ZNF630: variants seen among roughly 807,000 people sequenced by gnomAD.
The protein encoded by ZNF630 is zinc finger protein 630.
A neutral mutation model predicts 7.2 loss-of-function variants in ZNF630; 5 were observed. The ratio of observed to expected loss-of-function variants is 0.70; its 90% CI spans 0.36 to 1.46. ZNF630 has a LOEUF of 1.46. ZNF630 is among the 40% of genes most tolerant of loss of function. The pLI is 0.03. For missense variants in ZNF630, 461 were observed against 477.0 expected (o/e 0.97, Z 0.31); for synonymous variants, 158 against 162.8 (o/e 0.97, Z 0.23).
At chrX:48,069,841 G>GTTTT (rs1210374790) in intron 1 of ZNF630, among the ~76,000 whole-genome samples, 662 of 39,429 alleles carry the variant, frequency 0.017, 5 homozygotes, top group Admixed American at 0.061. Context: ...GACATTGTCT[G>GTTTT]TTTTTTTTTT....
intron 2 of ZNF630, among the ~76,000 whole-genome samples, chrX:48,064,636 T>C (rs782518884): frequency 8.9e-6 from 1 of 111,819 alleles, no homozygotes; most frequent in South Asian, 3.7e-4. Flanking sequence ...TTAATTTTTG[T>C]ATTTTTTTGT....
Position 48,059,014 on chromosome X carries a change from G to A in ZNF630, c.1428C>T (p.Gly476=). The change falls in exon 5 of 5, where the codon GGC becomes GGT. Residue 476 remains glycine, a synonymous_variant. Coordinates refer to ENST00000276054, the MANE Select transcript of ZNF630 (RefSeq NM_001282201.2). The part of the protein sequence containing the change: ...KAFSQKSHLT[G]HQRLHTGEKP... ...TCTCTCCAGTATGAAGTCTTTGATG[G>A]CCAGTGAGGTGTGACTTCTGGGAAA... is the stretch of plus-strand genomic sequence containing the variant. The A allele has an allele frequency of 8.3e-7, 1 of 1,203,906 alleles. No individual in the cohort carries two copies. Among genetic ancestry groups the A allele is most frequent in the South Asian group, 1.8e-5 (1 of 56,420 alleles).
chrX:48,060,703 A>C, intron 3 of ZNF630, 116 bp downstream of exon 3: 3 of 977,734 alleles, frequency 3.1e-6, no homozygotes, highest in Non-Finnish European at 2.7e-6. Flanking sequence ...TGAAAAACCA[A>C]AACTATAAAA....
Position 48,058,700 on chromosome X carries a change from CAGA to C in ZNF630, c.1739_1741del (p.Phe580del), listed in dbSNP as rs1556908277. On this transcript the variant is annotated inframe_deletion, in exon 5 of 5. Transcript: ENST00000276054. Reference sequence around the variant, plus strand: ...ATGTATAATGAGTGGAGACTTTCCACAGAAGGCCTTTCCACATTCACTACATTC... The same window carrying C: ...ATGTATAATGAGTGGAGACTTTCCACAGGCCTTTCCACATTCACTACATTC... 8.3e-7 allele frequency: 1 copy of C among 1,205,978 alleles called. No individual in the cohort carries two copies. Among genetic ancestry groups the C allele is most frequent in the East Asian group, 3.0e-5 (1 of 33,722 alleles).
At chrX:48,064,655 G>C (rs782636621) in intron 2 of ZNF630, among the ~76,000 whole-genome samples, 2 of 111,483 alleles carry the variant, frequency 1.8e-5, no homozygotes, top group Non-Finnish European at 1.9e-5. Context: ...GTAGAGATGC[G>C]GTTTCGCCAT....
chrX:48,067,413 A>G (rs1218836089), intron 1 of ZNF630, among the ~76,000 whole-genome samples: 1 of 112,642 alleles, frequency 8.9e-6, no homozygotes, highest in African/African-American at 3.2e-5. Context: ...GGGTAACAGC[A>G]TCAACCTTTA....
rs782665945 is a variant in ZNF630, at chrX:48,062,459, T to C, written c.16-1514A>G. 2.7e-5 allele frequency among the ~76,000 whole-genome samples: 3 copies of C among 112,593 alleles called. No homozygotes were observed. In the East Asian group the frequency reaches 8.4e-4, roughly 31 times the overall value. On this transcript the variant is annotated intron_variant, in intron 2 of 4. Coordinates refer to ENST00000276054, the MANE Select transcript of ZNF630 (RefSeq NM_001282201.2). ...AAAAAGCAACAAAGAAGGGGCCAGA[T>C]GTGGTGGCTCACGCCTGTAATCCCA... is the stretch of plus-strand genomic sequence containing the variant.
In ZNF630 at chrX:48,058,708, C is replaced by T. The variant is rs782216692; in HGVS notation, c.1734G>A (p.Lys578=). The change falls in exon 5 of 5, where the codon AAG becomes AAA. Residue 578 remains lysine (K), a synonymous_variant. Coordinates refer to ENST00000276054, the MANE Select transcript of ZNF630 (RefSeq NM_001282201.2). ...TGAGTGGAGACTTTCCACAGAAGGC[C>T]TTTCCACATTCACTACATTCATAGG... ...EKPYECSECG[K]AFCGKSPLII... is the part of the protein sequence containing the mutation. 4.1e-6 allele frequency: 5 copies of T among 1,205,993 alleles called. No individual in the cohort carries two copies. In the African/African-American group the frequency reaches 8.8e-5, roughly 21 times the overall value.
At chrX:48,061,947 A>G (rs1308180301) in intron 2 of ZNF630, 1 of 127,348 alleles carries the variant, frequency 7.9e-6, no homozygotes, top group Non-Finnish European at 1.6e-5. Context: ...GGACATGACC[A>G]TCATTTCACA....
At chrX:48,060,606 C>T in intron 3 of ZNF630, 61 bp from the exon 4 acceptor site, 1 of 1,033,387 alleles carries the variant, frequency 9.7e-7, no homozygotes, top group East Asian at 3.1e-5. Context: ...TGAAGAGAAG[C>T]ACTTGCAGGG....
intron 2 of ZNF630, 63 bp from the exon 3 acceptor site, chrX:48,061,008 T>C (rs947506998): frequency 1.1e-4 from 116 of 1,056,242 alleles, no homozygotes; most frequent in Non-Finnish European, 1.3e-4. Flanking sequence ...GCAGTACATG[T>C]AGGATGCCTA....
chrX:48,068,203 GAA>G (rs782533217), intron 1 of ZNF630, among the ~76,000 whole-genome samples: 828 of 52,360 alleles, frequency 0.016, 10 homozygotes, highest in African/African-American at 0.05. Context: ...AGGAAGGAAA[GAA>G]AAGAAAAGAA....
At position 48,071,422 on chromosome X, in the gene ZNF630, C is replaced by T. The variant is rs782694459; in HGVS notation, c.-331G>A. On this transcript the variant is annotated 5_prime_UTR_variant, in exon 1 of 5. Coordinates refer to ENST00000276054, the MANE Select transcript of ZNF630 (RefSeq NM_001282201.2). ...GCTCCGAAACAGCCACGAAGCCGAGCTCTACCAGTAACAAAAATGGCGTCA... is the reference window on the plus strand; with the variant it reads ...GCTCCGAAACAGCCACGAAGCCGAGTTCTACCAGTAACAAAAATGGCGTCA... 9.9e-4 allele frequency: 110 copies of T among 111,068 alleles called. 2 individuals are homozygous for T. Among genetic ancestry groups the T allele is most frequent in the African/African-American group, 3.6e-3 (108 of 30,396 alleles). 9.2% of individuals were successfully genotyped at this position (111,068 alleles called of 1,213,427 possible).
At chrX:48,064,473 G>A (rs185710227) in intron 2 of ZNF630, among the ~76,000 whole-genome samples, 4 of 111,227 alleles carry the variant, frequency 3.6e-5, no homozygotes, top group East Asian at 2.8e-4. Flanking sequence ...GGTTTTACAC[G>A]TTTTCTTTTG....
chrX:48,067,232 G>A (rs1359943075), intron 1 of ZNF630, among the ~76,000 whole-genome samples, 171 bp from the exon 2 acceptor site: 1 of 111,860 alleles, frequency 8.9e-6, no homozygotes, highest in African/African-American at 3.3e-5. Context: ...AAAGGTTCAG[G>A]AAACACCACC....
Position 48,060,841 on chromosome X carries a change from G to T in ZNF630, c.120C>A (p.Thr40=). 8.3e-7 allele frequency: 1 copy of T among 1,203,299 alleles called. No individual in the cohort carries two copies. Among genetic ancestry groups the T allele is most frequent in the Non-Finnish European group, 1.1e-6 (1 of 889,899 alleles). ...TACCCACGGAGACCAGGTGATTATA[G>T]GTCTCCAGCATCACATCCCTATGCA... ...KTLHRDVMLE[T]YNHLVSVGCS... The change falls in exon 3 of 5, where the codon ACC becomes ACA. Residue 40 remains threonine, a synonymous_variant. Coordinates refer to ENST00000276054, the MANE Select transcript of ZNF630 (RefSeq NM_001282201.2).
intron 2 of ZNF630, among the ~76,000 whole-genome samples, chrX:48,065,033 A>C (rs1365661171): frequency 1.8e-5 from 2 of 112,449 alleles, no homozygotes; most frequent in Non-Finnish European, 3.8e-5. Flanking sequence ...CCCCTGACTT[A>C]GAGGAACTGG....
At chrX:48,070,381 T>C (rs1349048247) in intron 1 of ZNF630, among the ~76,000 whole-genome samples, 11 of 105,638 alleles carry the variant, frequency 1.0e-4, no homozygotes, top group Non-Finnish European at 7.8e-5. Context: ...GAGGCCGAGG[T>C]GGGTGTATCA....
chrX:48,066,307 T>C (rs1366389472), intron 2 of ZNF630: 2 of 96,115 alleles, frequency 2.1e-5, no homozygotes, highest in Non-Finnish European at 4.2e-5. Flanking sequence ...GCCCCATGTA[T>C]AGATTACCTT....
Sources: gnomAD v4.1 joint callset for allele counts (sites outside exome capture counted in the v4.1 genomes callset) on GRCh38, gnomAD v4.1.1 for gene constraint, MANE v1.5 for transcripts, NCBI Gene and HGNC (gene_info 2026-07-23, HGNC 2026-07-21) for gene names.